ADAMTSL1: variants seen among roughly 807,000 people sequenced by gnomAD.
ADAMTSL1 encodes the protein ADAMTS-like protein 1.
ADAMTSL1 carries 126 observed loss-of-function variants against 201.8 expected under a neutral mutation model. The ratio of observed to expected loss-of-function variants is 0.62; its 90% CI spans 0.54 to 0.72. The LOEUF (loss-of-function observed/expected upper bound fraction) is 0.72, where lower values mean the gene tolerates loss of function less well. Ranked by LOEUF, ADAMTSL1 falls within the 30% of genes least tolerant of loss-of-function variation. The pLI, the probability that ADAMTSL1 is intolerant of heterozygous loss-of-function variation, is 0.00. For synonymous variants in ADAMTSL1, 1,121 were observed against 903.4 expected, an observed-to-expected ratio of 1.24 and a Z score of -4.32; for missense variants, 2,679 against 2,277.8, an observed-to-expected ratio of 1.18 and a Z score of -3.59.
chr9:18,000,272 T>C (rs1819558856), intron 1 of ADAMTSL1, among the ~76,000 whole-genome samples: 1 of 150,262 alleles, frequency 6.7e-6, no homozygotes. Context: ...ACCTGTTGTT[T>C]CCTGACTTTT....
chr9:18,100,649 A>G (rs1318889671), intron 1 of ADAMTSL1, among the ~76,000 whole-genome samples: 1 of 151,760 alleles, frequency 6.6e-6, no homozygotes, highest in Non-Finnish European at 1.5e-5. Context: ...TTTCTGTGAA[A>G]TTTTGATTCC....
chr9:18,306,822 C>G (rs1161955594), intron 2 of ADAMTSL1, among the ~76,000 whole-genome samples: 1 of 152,112 alleles, frequency 6.6e-6, no homozygotes, highest in Non-Finnish European at 1.5e-5. Context: ...GGCCAACATT[C>G]AAATTCAGGA....
intron 1 of ADAMTSL1, among the ~76,000 whole-genome samples, chr9:17,991,127 C>T (rs1452536285): frequency 3.9e-5 from 6 of 152,120 alleles, no homozygotes; most frequent in African/African-American, 7.2e-5. Context: ...TTATCCCAAA[C>T]GCTGTACTGG....
intron 5 of ADAMTSL1, among the ~76,000 whole-genome samples, chr9:18,630,787 C>T (rs998905131): frequency 2.6e-5 from 4 of 152,144 alleles, no homozygotes; most frequent in Non-Finnish European, 5.9e-5. Context: ...AGTCTTGGTG[C>T]TGGGCTTTCA....
intron 2 of ADAMTSL1, among the ~76,000 whole-genome samples, chr9:18,199,513 G>T (rs1293949771): frequency 6.6e-6 from 1 of 152,070 alleles, no homozygotes; most frequent in African/African-American, 2.4e-5. Context: ...CAATCTTTTT[G>T]AAGTGACCTA....
chr9:18,354,256 A>T (rs1836111744), intron 2 of ADAMTSL1, among the ~76,000 whole-genome samples: 1 of 151,862 alleles, frequency 6.6e-6, no homozygotes, highest in African/African-American at 2.4e-5. Context: ...TCATTTATTG[A>T]TATTCTTTTA....
chr9:18,551,383 A>G (rs565023478), intron 3 of ADAMTSL1, among the ~76,000 whole-genome samples: 1 of 151,844 alleles, frequency 6.6e-6, no homozygotes, highest in Admixed American at 6.6e-5. Context: ...TATAATTCTT[A>G]TCTGATTTTA....
At chr9:18,280,258 T>C (rs1832734104) in intron 2 of ADAMTSL1, among the ~76,000 whole-genome samples, 1 of 152,068 alleles carries the variant, frequency 6.6e-6, no homozygotes, top group African/African-American at 2.4e-5. Context: ...GCCTGAAGTT[T>C]AGGGCTGCAG....
At chr9:18,285,963 C>T (rs1050411182) in intron 2 of ADAMTSL1, among the ~76,000 whole-genome samples, 14 of 152,100 alleles carry the variant, frequency 9.2e-5, no homozygotes, top group Non-Finnish European at 1.8e-4. Flanking sequence ...ATTTTCATCA[C>T]TCCCAAAAGA....
At chr9:18,856,481 T>TTTTTTG (rs397783814) in intron 23 of ADAMTSL1, among the ~76,000 whole-genome samples, 53 of 140,862 alleles carry the variant, frequency 3.8e-4, no homozygotes, top group Admixed American at 1.7e-3. Context: ...TTTTTTTTTT[T>TTTTTTG]GAGACGGAGT....
chr9:18,870,336 ATTATG>A, intron 23 of ADAMTSL1, among the ~76,000 whole-genome samples: 1 of 152,274 alleles, frequency 6.6e-6, no homozygotes, highest in East Asian at 1.9e-4. Context: ...GAGGCTCTGA[ATTATG>A]TTATGTTCCT....
chr9:18,535,559 A>G (rs1819714757), intron 3 of ADAMTSL1, among the ~76,000 whole-genome samples: 1 of 152,214 alleles, frequency 6.6e-6, no homozygotes, highest in South Asian at 2.1e-4. Context: ...GTATCCTTAT[A>G]GCAGCACCCC....
intron 26 of ADAMTSL1, among the ~76,000 whole-genome samples, chr9:18,897,648 T>C (rs1239061448): frequency 1.3e-5 from 2 of 152,028 alleles, no homozygotes; most frequent in African/African-American, 2.4e-5. Flanking sequence ...GCCTATTAAA[T>C]AGAAAACAAT....
intron 2 of ADAMTSL1, among the ~76,000 whole-genome samples, chr9:18,399,966 A>G (rs1386418953): frequency 1.3e-5 from 2 of 152,280 alleles, no homozygotes; most frequent in East Asian, 1.9e-4. Flanking sequence ...AAAACTAGTT[A>G]GATATACTGT....
At chr9:18,110,903 A>G (rs969122489) in intron 1 of ADAMTSL1, among the ~76,000 whole-genome samples, 1 of 152,164 alleles carries the variant, frequency 6.6e-6, no homozygotes, top group African/African-American at 2.4e-5. Context: ...ACTCGGGAAC[A>G]TTATTAGTTT....
intron 1 of ADAMTSL1, among the ~76,000 whole-genome samples, chr9:17,943,288 C>T (rs925825441): frequency 1.2e-4 from 18 of 152,088 alleles, no homozygotes; most frequent in African/African-American, 4.3e-4. Context: ...TAAAGAGTAG[C>T]TTATAAGGGC....
chr9:18,866,116 C>CAAAAAAAAAAAAAAAAAAAAA lies in ADAMTSL1; in HGVS notation c.4250-21701_4250-21700insAAAAAAAAAAAAAAAAAAAAA, dbSNP rs76778655. The stretch of plus-strand genomic sequence containing the variant: ...AGAGAGATTGCTTGCCTTCAAAAAC[C>CAAAAAAAAAAAAAAAAAAAAA]AAAAAAAAAAAAAATGACGGATACT... On this transcript the variant is annotated intron_variant, in intron 23 of 28. Coordinates refer to ENST00000380548, the MANE Select transcript of ADAMTSL1 (RefSeq NM_001040272.6). Among the ~76,000 whole-genome samples the CAAAAAAAAAAAAAAAAAAAAA allele has an allele frequency of 7.6e-4, 60 of 78,502 alleles. 6 individuals are homozygous for CAAAAAAAAAAAAAAAAAAAAA. The highest frequency in any genetic ancestry group is 1.4e-3 in the African/African-American group (19 of 13,580). The allele number at this position is 78,502 out of a possible 152,430, so 51.5% of individuals were successfully genotyped here.
intron 9 of ADAMTSL1, among the ~76,000 whole-genome samples, chr9:18,669,857 C>G (rs1042077680): frequency 6.6e-6 from 1 of 152,072 alleles, no homozygotes; most frequent in African/African-American, 2.4e-5. Flanking sequence ...ATGGCCAAAC[C>G]TTGATGTAAG....
chr9:18,680,836 T>G (rs1830430751), intron 11 of ADAMTSL1: 2 of 353,730 alleles, frequency 5.7e-6, no homozygotes, highest in Non-Finnish European at 1.1e-5. Context: ...CTGTAAAAGC[T>G]GCTTTGATGA....
Sources: allele counts gnomAD v4.1 joint callset (sites outside exome capture counted in the v4.1 genomes callset), GRCh38; gene constraint gnomAD v4.1.1; transcripts MANE v1.5; gene names NCBI Gene and HGNC (gene_info 2026-07-23, HGNC 2026-07-21).